The following KCNH1 variants were observed in gnomAD, a reference collection of about 807,000 sequenced individuals.
The protein encoded by KCNH1 is potassium voltage-gated channel subfamily H member 1, also known as voltage-gated delayed rectifier potassium channel KCNH1.
Under a neutral mutation model 69.2 loss-of-function variants are expected in KCNH1, and 27 were observed. That is an observed-to-expected ratio of 0.39 (90% CI 0.29 to 0.54). The LOEUF (loss-of-function observed/expected upper bound fraction) is 0.54, where lower values mean the gene tolerates loss of function less well. Among genes scored for constraint, KCNH1 ranks in the 20% least tolerant of loss-of-function variants. The pLI is 0.68. For missense variants in KCNH1, 798 were observed against 1,261.6 expected, an observed-to-expected ratio of 0.63 and a Z score of 5.57; for synonymous variants, 456 against 487.7, an observed-to-expected ratio of 0.93 and a Z score of 0.86.
chr1:211,044,149 C>G lies in KCNH1; in HGVS notation c.559-24893G>C, dbSNP rs368781074. On this transcript the variant is annotated intron_variant, in intron 5 of 10. Coordinates refer to ENST00000271751, the MANE Select transcript of KCNH1 (RefSeq NM_172362.3). ...CCAAATTGGTAAAGAGGAACTCAAA[C>G]TGTCACTGTTTGCTGATGATATGAT... Among the ~76,000 whole-genome samples, 25 of 152,314 alleles carry G rather than the reference C, an allele frequency of 1.6e-4. No individual in the cohort carries two copies. The South Asian group carries it at 5.0e-3, about 30-fold the overall frequency.
At chr1:211,116,299 C>A (rs1488303678) in intron 1 of KCNH1, among the ~76,000 whole-genome samples, 1 of 152,126 alleles carries the variant, frequency 6.6e-6, no homozygotes, top group African/African-American at 2.4e-5. Flanking sequence ...AAATTAACTA[C>A]CACAAACACC....
intron 5 of KCNH1, among the ~76,000 whole-genome samples, chr1:211,038,565 G>A (rs936417395): frequency 6.6e-6 from 1 of 152,322 alleles, no homozygotes; most frequent in East Asian, 1.9e-4. Context: ...CTAGAGACTT[G>A]ATGAATGGCT....
intron 7 of KCNH1, among the ~76,000 whole-genome samples, chr1:210,807,477 T>C (rs942312448): frequency 3.9e-5 from 6 of 152,010 alleles, no homozygotes; most frequent in African/African-American, 1.5e-4. Flanking sequence ...CCAGGCATGG[T>C]GGCACATGCC....
chr1:211,060,400 C>CAAAAAAAAAAAAAAAAAAAAAAAAAAAAA (rs60620622), intron 5 of KCNH1, among the ~76,000 whole-genome samples: 1 of 44,324 alleles, frequency 2.3e-5, no homozygotes, highest in Non-Finnish European at 3.5e-5. Flanking sequence ...GACTCCGTCT[C>CAAAAAAAAAAAAAAAAAAAAAAAAAAAAA]AAAAAAAAAA....
At chr1:210,743,613 C>T (rs1305696837) in intron 10 of KCNH1, among the ~76,000 whole-genome samples, 1 of 152,180 alleles carries the variant, frequency 6.6e-6, no homozygotes, top group Non-Finnish European at 1.5e-5. Flanking sequence ...TATTTTTAGA[C>T]TTGGGGACAG....
At chr1:211,112,106 C>T (rs1691479460) in intron 1 of KCNH1, among the ~76,000 whole-genome samples, 1 of 139,622 alleles carries the variant, frequency 7.2e-6, no homozygotes, top group Non-Finnish European at 1.6e-5. Flanking sequence ...GTGAGGAGCG[C>T]CTCTGCCCAG....
intron 5 of KCNH1, among the ~76,000 whole-genome samples, chr1:211,059,124 C>CA (rs1237748374): frequency 6.6e-6 from 1 of 151,070 alleles, no homozygotes; most frequent in Non-Finnish European, 1.5e-5. Context: ...ACTGAAAATA[C>CA]AAAAAACTAG....
At chr1:210,904,110 A>G (rs576043257) in intron 7 of KCNH1, among the ~76,000 whole-genome samples, 1 of 152,372 alleles carries the variant, frequency 6.6e-6, no homozygotes, top group East Asian at 1.9e-4. Context: ...GTCAGCAGGC[A>G]GTGCAATATA....
intron 6 of KCNH1, among the ~76,000 whole-genome samples, chr1:210,974,943 A>C (rs567864381): frequency 2.4e-4 from 37 of 152,276 alleles, no homozygotes; most frequent in African/African-American, 8.9e-4. Context: ...CATTACTATT[A>C]TTATTATTGC....
chr1:210,838,024 C>T (rs1685323475), intron 7 of KCNH1, among the ~76,000 whole-genome samples: 1 of 152,028 alleles, frequency 6.6e-6, no homozygotes, highest in African/African-American at 2.4e-5. Context: ...AAAAAGAGCC[C>T]AAATAGCCAA....
intron 10 of KCNH1, among the ~76,000 whole-genome samples, chr1:210,757,055 G>A (rs1683413637): frequency 6.6e-6 from 1 of 152,156 alleles, no homozygotes; most frequent in South Asian, 2.1e-4. Flanking sequence ...TTGCTTTTGT[G>A]CTGCACCTCT....
intron 9 of KCNH1, among the ~76,000 whole-genome samples, chr1:210,784,135 C>A (rs1389291994): frequency 6.6e-6 from 1 of 152,210 alleles, no homozygotes. Context: ...TTCAGGTGCC[C>A]AGCACCCATT....
intron 10 of KCNH1, among the ~76,000 whole-genome samples, chr1:210,752,105 G>A (rs1683296235): frequency 1.3e-5 from 2 of 152,162 alleles, no homozygotes; most frequent in Admixed American, 1.3e-4. Flanking sequence ...AAGGTATCAG[G>A]CAAAAGAATG....
chr1:210,746,261 T>C lies in KCNH1; in HGVS notation c.2112+29087A>G, dbSNP rs559109082. Among the ~76,000 whole-genome samples the C allele has an allele frequency of 7.5e-4, 114 of 152,322 alleles. 1 individual carries two copies. The highest frequency in any genetic ancestry group is 2.6e-3 in the African/African-American group (109 of 41,572). On this transcript the variant is annotated intron_variant, in intron 10 of 10. Coordinates refer to ENST00000271751, the MANE Select transcript of KCNH1 (RefSeq NM_172362.3). ...TGCACTTTATACTTGTGCAGAGTTT[T>C]ATTGTGTAAAAACTACCTCTCATGC...
intron 7 of KCNH1, among the ~76,000 whole-genome samples, chr1:210,869,484 CGTGTGTGTGTGTGTGTGTGTGTGT>C (rs61235458): frequency 1.4e-3 from 189 of 137,020 alleles, no homozygotes; most frequent in Non-Finnish European, 2.6e-3. Flanking sequence ...AGTTATAAGT[CGTGTGTGTGTGTGTGTGTGTGTGT>C]GTGTGTGTGT....
chr1:210,754,852 ACACACACACACACAC>A (rs1406617753), intron 10 of KCNH1, among the ~76,000 whole-genome samples: 1 of 111,134 alleles, frequency 9.0e-6, no homozygotes, highest in Non-Finnish European at 2.1e-5. Flanking sequence ...GGGCACACAC[ACACACACACACACAC>A]ACACACACAC....
chr1:210,958,639 C>A (rs1448240576), intron 6 of KCNH1, among the ~76,000 whole-genome samples: 1 of 152,204 alleles, frequency 6.6e-6, no homozygotes, highest in Non-Finnish European at 1.5e-5. Context: ...ATCTTGTCTT[C>A]TTGCTTTACT....
chr1:210,769,462 C>T (rs1054716770), intron 10 of KCNH1, among the ~76,000 whole-genome samples: 15 of 152,144 alleles, frequency 9.9e-5, no homozygotes, highest in Admixed American at 7.2e-4. Context: ...ACTATAGTCC[C>T]AGCTCCCTCC....
intron 6 of KCNH1, among the ~76,000 whole-genome samples, chr1:210,963,584 T>A (rs186738893): frequency 1.4e-4 from 21 of 152,042 alleles, no homozygotes; most frequent in Admixed American, 1.0e-3. Flanking sequence ...AACCAGTTTA[T>A]AGAAGAACAT....
Sources: gnomAD v4.1 joint callset for allele counts (sites outside exome capture counted in the v4.1 genomes callset) on GRCh38, gnomAD v4.1.1 for gene constraint, MANE v1.5 for transcripts, NCBI Gene and HGNC (gene_info 2026-07-23, HGNC 2026-07-21) for gene names.